UBE4B: variants seen among roughly 807,000 people sequenced by gnomAD.
The protein encoded by UBE4B is ubiquitination factor E4B.
UBE4B carries 27 observed loss-of-function variants against 148.1 expected under a neutral mutation model. That is an observed-to-expected ratio of 0.18 (90% CI 0.13 to 0.25). The LOEUF (loss-of-function observed/expected upper bound fraction) is 0.25. Ranked by LOEUF, UBE4B falls within the 10% of genes least tolerant of loss-of-function variation. The probability of loss-of-function intolerance (pLI) is 1.00; values close to 1 mark genes in which losing one functional copy is unlikely to be tolerated. For synonymous variants in UBE4B, 596 were observed against 619.3 expected, an observed-to-expected ratio of 0.96 and a Z score of 0.56; for missense variants, 1,170 against 1,662.4, an observed-to-expected ratio of 0.70 and a Z score of 5.15.
chr1:10,134,582 G>A (rs1337168833), intron 15 of UBE4B, among the ~76,000 whole-genome samples: 2 of 151,874 alleles, frequency 1.3e-5, no homozygotes, highest in Non-Finnish European at 2.9e-5. Context: ...TATAATAGGC[G>A]GTATTCAACA....
chr1:10,040,909 C>T (rs569565221), intron 1 of UBE4B, among the ~76,000 whole-genome samples: 4 of 152,064 alleles, frequency 2.6e-5, no homozygotes, highest in African/African-American at 7.2e-5. Context: ...CGTGAGCCAC[C>T]GCACCCAGCC....
At chr1:10,157,651 G>A (rs1489317547) in intron 21 of UBE4B, among the ~76,000 whole-genome samples, 1 of 152,138 alleles carries the variant, frequency 6.6e-6, no homozygotes, top group African/African-American at 2.4e-5. Flanking sequence ...GGTGGCGCAT[G>A]TCTATAGTCC....
At chr1:10,090,645 G>C (rs1644832459) in intron 2 of UBE4B, among the ~76,000 whole-genome samples, 1 of 152,110 alleles carries the variant, frequency 6.6e-6, no homozygotes, top group Non-Finnish European at 1.5e-5. Flanking sequence ...GTTTAAGCTG[G>C]TCTTGATCAA....
chr1:10,126,072 G>A (rs559459821), intron 10 of UBE4B, among the ~76,000 whole-genome samples: 22 of 152,212 alleles, frequency 1.4e-4, no homozygotes, highest in Middle Eastern at 3.4e-3. Context: ...AGGCTGAGGC[G>A]GGTGGATCAC....
At chr1:10,074,540 A>C (rs1015414728) in intron 2 of UBE4B, among the ~76,000 whole-genome samples, 1 of 151,970 alleles carries the variant, frequency 6.6e-6, no homozygotes, top group East Asian at 1.9e-4. Flanking sequence ...TGCTGAATCA[A>C]CTGCAGTCAG....
At chr1:10,093,819 C>G (rs1644886879) in intron 2 of UBE4B, among the ~76,000 whole-genome samples, 1 of 151,910 alleles carries the variant, frequency 6.6e-6, no homozygotes, top group Non-Finnish European at 1.5e-5. Flanking sequence ...CTGAACCTCC[C>G]AAGTAGCTGG....
At chr1:10,090,376 C>A (rs1644827871) in intron 2 of UBE4B, among the ~76,000 whole-genome samples, 1 of 152,114 alleles carries the variant, frequency 6.6e-6, no homozygotes, top group Admixed American at 6.6e-5. Context: ...CCACCTTGGC[C>A]TCCAAAAGTT....
intron 7 of UBE4B, among the ~76,000 whole-genome samples, chr1:10,108,123 G>A (rs541025854): frequency 6.6e-6 from 1 of 152,172 alleles, no homozygotes; most frequent in East Asian, 1.9e-4. Flanking sequence ...TTAGTAACGG[G>A]AGAGGGGCTG....
chr1:10,131,889 G>C (rs1405137630), intron 14 of UBE4B, among the ~76,000 whole-genome samples: 1 of 151,880 alleles, frequency 6.6e-6, no homozygotes, highest in Non-Finnish European at 1.5e-5. Context: ...GGAGGCGGAG[G>C]TTGCACTGAG....
chr1:10,153,490 TAAAAAAA>T lies in UBE4B; in HGVS notation c.2926+1951_2926+1957del, dbSNP rs1045427991. The stretch of plus-strand genomic sequence containing the variant: ...GTGAAACAAAGCAAGACCCTGTTTC[TAAAAAAA>T]AAAAAAAAAAAAAAAAAAAAAGGGT... On this transcript the variant is annotated intron_variant, in intron 21 of 27. Transcript: ENST00000343090. Among the ~76,000 whole-genome samples the T allele has an allele frequency of 1.0e-2, 490 of 49,212 alleles. 3 individuals are homozygous for T. The highest frequency in any genetic ancestry group is 0.04 in the African/African-American group (459 of 11,594). The allele number at this position is 49,212 out of a possible 152,430, so 32.3% of individuals were successfully genotyped here.
intron 1 of UBE4B, chr1:10,054,581 A>T (rs1402228211): frequency 3.5e-6 from 1 of 286,294 alleles, no homozygotes; most frequent in Admixed American, 4.2e-5. Context: ...TTAGGAAATG[A>T]TGCTGGCCTT....
intron 9 of UBE4B, among the ~76,000 whole-genome samples, chr1:10,120,944 A>G (rs1645399889): frequency 6.6e-6 from 1 of 152,214 alleles, no homozygotes; most frequent in Admixed American, 6.5e-5. Context: ...TATGTTTTTG[A>G]AACTTTTCAA....
chr1:10,107,235 C>T (rs1388524715), intron 7 of UBE4B: 1 of 1,289,556 alleles, frequency 7.8e-7, no homozygotes, highest in Non-Finnish European at 1.0e-6. Context: ...GTACGACAAT[C>T]CTTTCTCCTT....
chr1:10,082,979 G>T (rs993894318), intron 2 of UBE4B, among the ~76,000 whole-genome samples: 1 of 152,036 alleles, frequency 6.6e-6, no homozygotes, highest in Non-Finnish European at 1.5e-5. Context: ...CCCTGCAAAG[G>T]ACATGATCTC....
At chr1:10,036,498 A>G (rs960216181) in intron 1 of UBE4B, among the ~76,000 whole-genome samples, 5 of 152,004 alleles carry the variant, frequency 3.3e-5, no homozygotes, top group African/African-American at 1.2e-4. Flanking sequence ...TTAATTTAAA[A>G]AATCTTTTTT....
chr1:10,094,740 A>G (rs1195093436), intron 2 of UBE4B, among the ~76,000 whole-genome samples: 1 of 151,878 alleles, frequency 6.6e-6, no homozygotes, highest in Non-Finnish European at 1.5e-5. Context: ...AGCCTCATTA[A>G]CATTTTATTA....
chr1:10,156,949 G>A lies in UBE4B; in HGVS notation c.2927-1407G>A, dbSNP rs148221002. The stretch of plus-strand genomic sequence containing the variant: ...TTTGGAAGGACGATGTAGGAGGATC[G>A]CTTGAGGCAGGAATTTGAAACCAGC... On this transcript the variant is annotated intron_variant, in intron 21 of 27. Coordinates refer to ENST00000343090, the MANE Select transcript of UBE4B (RefSeq NM_001105562.3). Among the ~76,000 whole-genome samples, 172 of 152,002 alleles carry A rather than the reference G, an allele frequency of 1.1e-3. 1 individual carries two copies. Among genetic ancestry groups the A allele is most frequent in the African/African-American group, 3.7e-3 (154 of 41,456 alleles).
At chr1:10,178,865 G>C in intron 26 of UBE4B, 47 bp downstream of exon 26, 1 of 1,546,416 alleles carries the variant, frequency 6.5e-7, no homozygotes, top group Non-Finnish European at 8.7e-7. Context: ...GAGTTAACTG[G>C]AAATCGATAA....
chr1:10,125,119 G>C (rs1423146925), intron 10 of UBE4B, among the ~76,000 whole-genome samples: 2 of 152,124 alleles, frequency 1.3e-5, no homozygotes, highest in Non-Finnish European at 2.9e-5. Flanking sequence ...GAGTGAAATT[G>C]TGTCTGGAAA....
Sources: gnomAD v4.1 joint callset for allele counts (sites outside exome capture counted in the v4.1 genomes callset) on GRCh38, gnomAD v4.1.1 for gene constraint, MANE v1.5 for transcripts, NCBI Gene and HGNC (gene_info 2026-07-23, HGNC 2026-07-21) for gene names.